The following SNTG1 variants were observed in gnomAD, a reference collection of about 807,000 sequenced individuals.
SNTG1 encodes the protein syntrophin gamma 1, also known as gamma-1-syntrophin.
In SNTG1, 39 loss-of-function variants were observed where a neutral mutation model predicts 74.7. The observed-to-expected ratio is 0.52, with a 90% confidence interval of 0.40 to 0.68. The LOEUF is 0.68. SNTG1 is among the 30% of genes least tolerant of loss of function. The pLI, the probability that SNTG1 is intolerant of heterozygous loss-of-function variation, is 0.00. For missense variants in SNTG1, 685 were observed against 609.5 expected (o/e 1.12, Z -1.30); for synonymous variants, 254 against 217.1 (o/e 1.17, Z -1.49).
chr8:50,328,439 T>C (rs542169167), intron 2 of SNTG1, among the ~76,000 whole-genome samples: 31 of 152,318 alleles, frequency 2.0e-4, no homozygotes, highest in African/African-American at 7.0e-4. Context: ...TTAATTGACC[T>C]ACAGTTCTGC....
At chr8:50,509,301 C>A (rs1430025611) in intron 9 of SNTG1, among the ~76,000 whole-genome samples, 1 of 152,142 alleles carries the variant, frequency 6.6e-6, no homozygotes, top group East Asian at 1.9e-4. Flanking sequence ...GGTACCAGTA[C>A]CATGCTGTTT....
chr8:50,013,302 G>A (rs781181079), intron 1 of SNTG1, among the ~76,000 whole-genome samples: 27 of 151,872 alleles, frequency 1.8e-4, no homozygotes, highest in Admixed American at 3.3e-4. Flanking sequence ...AATAGCAACT[G>A]GCAAAATAGC....
At chr8:50,084,268 T>C (rs1317556982) in intron 1 of SNTG1, among the ~76,000 whole-genome samples, 4 of 152,068 alleles carry the variant, frequency 2.6e-5, no homozygotes, top group African/African-American at 9.7e-5. Flanking sequence ...AAGGCCTTCC[T>C]GGCCAACATG....
intron 2 of SNTG1, among the ~76,000 whole-genome samples, chr8:50,212,504 A>G (rs1358163745): frequency 3.9e-5 from 6 of 152,166 alleles, no homozygotes; most frequent in Admixed American, 3.9e-4. Context: ...TGTGTGATGT[A>G]TACAGAAAGA....
chr8:50,313,274 A>G (rs552046454), intron 2 of SNTG1, among the ~76,000 whole-genome samples: 1 of 150,046 alleles, frequency 6.7e-6, no homozygotes, highest in Non-Finnish European at 1.5e-5. Context: ...TTTGAATATG[A>G]CACCAAAAAG....
chr8:49,933,918 G>A (rs1807815994), intron 1 of SNTG1, among the ~76,000 whole-genome samples: 2 of 152,120 alleles, frequency 1.3e-5, no homozygotes, highest in Non-Finnish European at 2.9e-5. Context: ...CTTAGGTTAG[G>A]AATAACGTGG....
intron 15 of SNTG1, among the ~76,000 whole-genome samples, chr8:50,673,017 A>G (rs183104081): frequency 2.0e-5 from 3 of 152,024 alleles, no homozygotes; most frequent in Admixed American, 6.6e-5. Context: ...ATTATTTCTG[A>G]AGTCTCTGTT....
chr8:50,250,064 A>G lies in SNTG1; in HGVS notation c.-28+77429A>G, dbSNP rs185210700. ...AGATATAAGAGGATCTAGAAAAAAA[A>G]ATTCAATGAAATCAGGAAAACAATT... is the stretch of plus-strand genomic sequence containing the variant. On this transcript the variant is annotated intron_variant, in intron 2 of 18. Transcript: ENST00000642720. Among the ~76,000 whole-genome samples, 138 of 152,178 alleles carry G rather than the reference A, an allele frequency of 9.1e-4. No homozygotes were observed. In the Middle Eastern group the frequency reaches 0.01, roughly 11 times the overall value.
At chr8:50,089,887 C>T (rs1457094096) in intron 1 of SNTG1, among the ~76,000 whole-genome samples, 3 of 152,160 alleles carry the variant, frequency 2.0e-5, no homozygotes, top group Non-Finnish European at 4.4e-5. Flanking sequence ...TACCATTTGA[C>T]CCAGCCATCC....
At chr8:49,910,532 A>G (rs1805526662), upstream of SNTG1, among the ~76,000 whole-genome samples, 1 of 151,998 alleles carries the variant, frequency 6.6e-6, no homozygotes, top group African/African-American at 2.4e-5. Flanking sequence ...ATGTATTTCA[A>G]CTTCCCGTCT....
chr8:50,068,212 C>T (rs1372101957), intron 1 of SNTG1, among the ~76,000 whole-genome samples: 1 of 152,144 alleles, frequency 6.6e-6, no homozygotes, highest in African/African-American at 2.4e-5. Context: ...CTAATTACAA[C>T]CTCTGTGGGA....
intron 1 of SNTG1, among the ~76,000 whole-genome samples, chr8:49,930,105 A>G (rs1230574305): frequency 2.0e-5 from 3 of 152,158 alleles, no homozygotes. Flanking sequence ...TTCGAAAACA[A>G]TTTATACTAA....
At chr8:49,912,959 G>A (rs2129334211) in intron 1 of SNTG1, among the ~76,000 whole-genome samples, 1 of 152,268 alleles carries the variant, frequency 6.6e-6, no homozygotes, top group African/African-American at 2.4e-5. Flanking sequence ...AAGTGATAGG[G>A]ACCAGTAGGT....
chr8:50,790,922 T>C (rs1037909958), intron 18 of SNTG1, among the ~76,000 whole-genome samples: 1 of 151,926 alleles, frequency 6.6e-6, no homozygotes, highest in Non-Finnish European at 1.5e-5. Context: ...GAATTACCTT[T>C]GAGAAAAAGT....
intron 4 of SNTG1, among the ~76,000 whole-genome samples, chr8:50,405,138 C>T (rs2092856591): frequency 6.6e-6 from 1 of 151,962 alleles, no homozygotes; most frequent in African/African-American, 2.4e-5. Flanking sequence ...TTTGAGTCAC[C>T]ACTTTCAATT....
chr8:50,602,296 A>ATTTTTTTTTTTTTTTTTTTTTTTTT (rs2094780720), intron 13 of SNTG1, among the ~76,000 whole-genome samples: 1 of 151,076 alleles, frequency 6.6e-6, no homozygotes, highest in African/African-American at 2.5e-5. Flanking sequence ...ATGGTTTTCA[A>ATTTTTTTTTTTTTTTTTTTTTTTTT]TTTGAGGTTG....
chr8:50,422,781 T>C (rs1205604344), intron 4 of SNTG1, among the ~76,000 whole-genome samples: 2 of 152,158 alleles, frequency 1.3e-5, no homozygotes, highest in East Asian at 1.9e-4. Flanking sequence ...AGTGATGTTA[T>C]TTGCAGGAAT....
intron 4 of SNTG1, among the ~76,000 whole-genome samples, chr8:50,417,945 A>T (rs1367874560): frequency 3.3e-5 from 5 of 151,186 alleles, no homozygotes; most frequent in African/African-American, 1.2e-4. Context: ...ACTGCATTTG[A>T]TGATTCCCAC....
intron 1 of SNTG1, among the ~76,000 whole-genome samples, chr8:49,914,182 T>C (rs1439341110): frequency 1.3e-5 from 2 of 152,094 alleles, no homozygotes. Context: ...AAGGGGGTAG[T>C]GGAAACCAAT....
Sources: allele counts gnomAD v4.1 joint callset (sites outside exome capture counted in the v4.1 genomes callset), GRCh38; gene constraint gnomAD v4.1.1; transcripts MANE v1.5; gene names NCBI Gene and HGNC (gene_info 2026-07-23, HGNC 2026-07-21).